The following LHX8 variants were observed in gnomAD, a reference collection of about 807,000 sequenced individuals.
LHX8 encodes LIM/homeobox protein Lhx8.
A neutral mutation model predicts 40.3 loss-of-function variants in LHX8; 12 were observed. That is an observed-to-expected ratio of 0.30 (90% CI 0.19 to 0.48). LHX8 has a LOEUF of 0.48. Ranked by LOEUF, LHX8 falls within the 20% of genes least tolerant of loss-of-function variation. LHX8 has a pLI of 0.99. For missense variants in LHX8, 344 were observed against 433.7 expected (o/e 0.79, Z 1.84); for synonymous variants, 179 against 162.0 (o/e 1.10, Z -0.80).
chr1:75,143,421 T>C, intron 5 of LHX8, 83 bp downstream of exon 5: 2 of 935,718 alleles, frequency 2.1e-6, no homozygotes, highest in South Asian at 1.6e-5. Context: ...GTCATCTTAA[T>C]GCATTATTTT....
Position 75,134,929 on chromosome 1 carries a change from C to G in LHX8, c.-38C>G, listed in dbSNP as rs976748123. ...GACTGTAATTTGGGAGATGAAGCCT[C>G]GAGCCTAAGGCGCTCTCAGGTCCAT... is the stretch of plus-strand genomic sequence containing the variant. On this transcript the variant is annotated 5_prime_UTR_variant, in exon 1 of 9. Transcript: ENST00000356261. 9.1e-6 allele frequency: 9 copies of G among 985,234 alleles called. No homozygotes were observed. The Admixed American group carries it at 4.9e-4, about 54-fold the overall frequency. The allele number at this position is 985,234 out of a possible 1,614,324, so 61.0% of individuals were successfully genotyped here.
chr1:75,136,563 G>A (rs971181016), intron 1 of LHX8, 40 bp from the exon 2 acceptor site: 3 of 1,431,958 alleles, frequency 2.1e-6, no homozygotes, highest in African/African-American at 1.4e-5. Context: ...CGGAACTTCT[G>A]ATCTGTTTCT....
chr1:75,179,728 C>T, the LHX8 span, among the ~76,000 whole-genome samples: 2 of 152,086 alleles, frequency 1.3e-5, no homozygotes, highest in Admixed American at 6.6e-5. Context: ...TTGATCCTGT[C>T]ATTATGATGT....
the LHX8 span, among the ~76,000 whole-genome samples, chr1:75,181,134 G>T: frequency 1.3e-5 from 2 of 152,172 alleles, no homozygotes; most frequent in African/African-American, 4.8e-5. Context: ...GCCCCTACTG[G>T]GAGGTTTCTC....
At chr1:75,131,985 CAG>C (rs1467289191), upstream of LHX8, 1 of 152,164 alleles carries the variant, frequency 6.6e-6, no homozygotes, top group Non-Finnish European at 1.5e-5. Context: ...TTTTTTTGAT[CAG>C]AGTCTTCGTT....
intron 6 of LHX8, 74 bp from the exon 7 acceptor site, chr1:75,148,511 CTT>C: frequency 1.0e-6 from 1 of 1,003,556 alleles, no homozygotes; most frequent in Non-Finnish European, 1.6e-6. Flanking sequence ...TGTCTTACCT[CTT>C]ATGATAAAAA....
chr1:75,160,733 C>A, intron 8 of LHX8, 86 bp from the exon 9 acceptor site: 1 of 901,732 alleles, frequency 1.1e-6, no homozygotes, highest in Non-Finnish European at 1.9e-6. Context: ...GTGATGAAAA[C>A]AATGCCTTGG....
chr1:75,154,318 G>A (rs1286479032), intron 7 of LHX8, among the ~76,000 whole-genome samples: 3 of 151,796 alleles, frequency 2.0e-5, no homozygotes, highest in East Asian at 3.9e-4. Flanking sequence ...ATCTTTCCAA[G>A]AAGCTGCTTA....
At chr1:75,136,111 A>G (rs1231498898) in intron 1 of LHX8, among the ~76,000 whole-genome samples, 5 of 152,130 alleles carry the variant, frequency 3.3e-5, no homozygotes, top group East Asian at 3.9e-4. Context: ...TTTAAAATAT[A>G]TATGTGTCTT....
At chr1:75,168,007 C>T in the LHX8 span, among the ~76,000 whole-genome samples, 1 of 152,226 alleles carries the variant, frequency 6.6e-6, no homozygotes, top group South Asian at 2.1e-4. Context: ...TGGGTAATTG[C>T]TCAATCTTCC....
chr1:75,147,874 T>G (rs1389019061), intron 6 of LHX8, among the ~76,000 whole-genome samples: 1 of 152,232 alleles, frequency 6.6e-6, no homozygotes, highest in African/African-American at 2.4e-5. Flanking sequence ...AGGTAGTCAT[T>G]GGCATGTCGG....
chr1:75,175,815 C>T, the LHX8 span, among the ~76,000 whole-genome samples: 60 of 152,084 alleles, frequency 3.9e-4, no homozygotes, highest in African/African-American at 1.4e-3. Flanking sequence ...AATGCTATCC[C>T]TCCCCCATTC....
At chr1:75,198,964 G>A in the LHX8 span, among the ~76,000 whole-genome samples, 1 of 152,108 alleles carries the variant, frequency 6.6e-6, no homozygotes, top group Non-Finnish European at 1.5e-5. Context: ...GTGAAAAAGA[G>A]GCAGATGTTT....
At chr1:75,139,739 G>A (rs1648260436) in intron 3 of LHX8, among the ~76,000 whole-genome samples, 1 of 152,108 alleles carries the variant, frequency 6.6e-6, no homozygotes, top group Admixed American at 6.5e-5. Flanking sequence ...TCATCAAAAT[G>A]AGACTCTCAT....
At chr1:75,198,292 C>T in the LHX8 span, among the ~76,000 whole-genome samples, 1 of 152,168 alleles carries the variant, frequency 6.6e-6, no homozygotes, top group South Asian at 2.1e-4. Flanking sequence ...TGATGCCCTT[C>T]ACTAGCTTCT....
the LHX8 span, among the ~76,000 whole-genome samples, chr1:75,198,418 T>G: frequency 6.6e-6 from 1 of 152,184 alleles, no homozygotes; most frequent in Non-Finnish European, 1.5e-5. Flanking sequence ...ATTGCCCAAC[T>G]CTAGGTACCA....
chr1:75,160,481 A>G, intron 8 of LHX8: 2 of 327,098 alleles, frequency 6.1e-6, no homozygotes, highest in South Asian at 3.6e-5. Flanking sequence ...ATCATCCTAT[A>G]CAAACACCTT....
chr1:75,129,533 G>A (rs535366848), upstream of LHX8, among the ~76,000 whole-genome samples: 16 of 152,220 alleles, frequency 1.1e-4, no homozygotes, highest in Middle Eastern at 3.4e-3. Flanking sequence ...GGCGGTCGGC[G>A]CAGGCTTGTG....
the LHX8 span, among the ~76,000 whole-genome samples, chr1:75,192,549 T>C: frequency 1.3e-5 from 2 of 152,234 alleles, no homozygotes; most frequent in African/African-American, 4.8e-5. Context: ...GACCCTTGAT[T>C]CCTCCCATCA....
Sources: gnomAD v4.1 joint callset for allele counts (sites outside exome capture counted in the v4.1 genomes callset) on GRCh38, gnomAD v4.1.1 for gene constraint, MANE v1.5 for transcripts, NCBI Gene and HGNC (gene_info 2026-07-23, HGNC 2026-07-21) for gene names.